The following NAA35 variants were observed in gnomAD, a reference collection of about 807,000 sequenced individuals.
NAA35 encodes MAK10 homolog, amino-acid N-acetyltransferase subunit.
A neutral mutation model predicts 101.7 loss-of-function variants in NAA35; 18 were observed. The ratio of observed to expected loss-of-function variants is 0.18; its 90% confidence interval spans 0.12 to 0.26. The LOEUF is 0.26. Among genes scored for constraint, NAA35 ranks in the 10% least tolerant of loss-of-function variants. The pLI, the probability that NAA35 is intolerant of heterozygous loss-of-function variation, is 1.00. For missense variants in NAA35, 601 were observed against 886.8 expected, an observed-to-expected ratio of 0.68 and a Z score of 4.09; for synonymous variants, 267 against 273.1, an observed-to-expected ratio of 0.98 and a Z score of 0.22.
intron 17 of NAA35, 78 bp from the exon 18 acceptor site, chr9:86,016,461 A>G: frequency 8.3e-7 from 1 of 1,199,188 alleles, no homozygotes. Flanking sequence ...TATTTGAAAT[A>G]TCTATCGTTA....
chr9:86,018,499 T>C (rs1402136051), intron 20 of NAA35, 104 bp downstream of exon 20: 9 of 1,386,232 alleles, frequency 6.5e-6, no homozygotes, highest in Non-Finnish European at 6.8e-6. Flanking sequence ...GTTATTTAAA[T>C]CATAAGAATA....
In NAA35 at chr9:85,959,355, C is replaced by T. The variant is rs1033897810; in HGVS notation, c.274-438C>T. On this transcript the variant is annotated intron_variant, in intron 4 of 22. Transcript: ENST00000361671. ...CACGCCACCTGCACTCCAGCCTGGG[C>T]GACAGAGTGAGACTCTGTCTCAAAA... 7.0e-5 allele frequency among the ~76,000 whole-genome samples: 10 copies of T among 143,636 alleles called. No individual in the cohort carries two copies. In the South Asian group the frequency reaches 1.5e-3, roughly 22 times the overall value. 94.2% of individuals were successfully genotyped at this position (143,636 alleles called of 152,430 possible). A position where few individuals can be genotyped will look rare whatever the true frequency, so the allele number is the denominator to read the frequency against.
chr9:85,952,288 G>GT (rs199959174), intron 2 of NAA35, among the ~76,000 whole-genome samples: 5,586 of 116,698 alleles, frequency 0.048, 421 homozygotes, highest in East Asian at 0.38. Flanking sequence ...AGTGTTTTTT[G>GT]TTTTTTTTTT....
rs1832366433 is a variant in NAA35 at position 86,018,804 on chromosome 9, C to T, written c.2020C>T (p.Pro674Ser). The T allele has an allele frequency of 6.2e-7, 1 of 1,613,970 alleles. No individual in the cohort carries two copies. The highest frequency in any genetic ancestry group is 8.5e-7 in the Non-Finnish European group (1 of 1,179,970). The change falls in exon 21 of 23, where the codon CCT becomes TCT. Residue 674 changes from proline (P) to serine (S), a missense_variant. Pro to Ser is a moderately conservative substitution (Grantham distance 74). Around this residue, in one of 8 missense-constraint regions of NAA35, gnomAD observed 90 missense variants for 108.7 expected, o/e 0.83. Transcript: ENST00000361671. ...GGCAAAAATGATATTGGAAAATATT[C>T]CTAACCCGGACCATGAGGTGAGACT... ...QQAKMILENIPNPDHEVNRIL... is the reference protein window; with the variant it reads ...QQAKMILENISNPDHEVNRIL...
At chr9:86,014,316 G>A (rs1832095069) in intron 17 of NAA35, 5 of 903,552 alleles carry the variant, frequency 5.5e-6, no homozygotes, top group Middle Eastern at 5.7e-4. Flanking sequence ...GTTTCAAACC[G>A]TGGTGCTGAG....
At chr9:85,964,218 G>A (rs1002240067) in intron 6 of NAA35, among the ~76,000 whole-genome samples, 2 of 149,822 alleles carry the variant, frequency 1.3e-5, no homozygotes, top group Admixed American at 1.3e-4. Context: ...CATATGATTC[G>A]TATGCAGATT....
At chr9:85,973,776 G>A (rs567195622) in intron 6 of NAA35, among the ~76,000 whole-genome samples, 2 of 151,486 alleles carry the variant, frequency 1.3e-5, no homozygotes, top group African/African-American at 2.4e-5. Flanking sequence ...ATTTGATCAT[G>A]TAAGTCATAA....
At chr9:85,964,376 TTA>T (rs1202067501) in intron 6 of NAA35, among the ~76,000 whole-genome samples, 2 of 152,188 alleles carry the variant, frequency 1.3e-5, no homozygotes, top group Non-Finnish European at 2.9e-5. Context: ...CTGTGACACT[TTA>T]GTGTGTTTCT....
intron 4 of NAA35, among the ~76,000 whole-genome samples, chr9:85,959,405 T>C (rs935722491): frequency 6.6e-6 from 1 of 151,502 alleles, no homozygotes; most frequent in Non-Finnish European, 1.5e-5. Flanking sequence ...AAAAAAACTT[T>C]AGTTTTCTTT....
rs1380986003 is a variant in NAA35, at chr9:85,966,129, C to A, written c.516+3949C>A. 7.2e-5 allele frequency among the ~76,000 whole-genome samples: 11 copies of A among 152,112 alleles called. 1 individual carries two copies. The South Asian group carries it at 1.9e-3, about 26-fold the overall frequency. Reference sequence around the variant, plus strand: ...TAATTTTTAATTTTTTTTGTAAAGACTGGGTTTTGCTTTGTTTGCCAGGCT... The same window carrying A: ...TAATTTTTAATTTTTTTTGTAAAGAATGGGTTTTGCTTTGTTTGCCAGGCT... On this transcript the variant is annotated intron_variant, in intron 6 of 22. Transcript: ENST00000361671.
chr9:86,018,581 T>G, intron 20 of NAA35, 118 bp from the exon 21 acceptor site: 1 of 1,382,380 alleles, frequency 7.2e-7, no homozygotes. Context: ...GCTGAATGTT[T>G]GCCCCAGTGT....
At chr9:85,991,754 T>G (rs1158351116) in intron 11 of NAA35, among the ~76,000 whole-genome samples, 1 of 152,206 alleles carries the variant, frequency 6.6e-6, no homozygotes. Flanking sequence ...TTTCTACTTC[T>G]CAGAACCTGT....
intron 1 of NAA35, chr9:85,941,757 C>T (rs1179501675): frequency 1.0e-6 from 1 of 989,880 alleles, no homozygotes; most frequent in African/African-American, 1.7e-5. Flanking sequence ...CCTTGATTGA[C>T]TTCGGTAGCT....
chr9:85,980,256 A>C (rs1257123506), intron 11 of NAA35, among the ~76,000 whole-genome samples: 1 of 152,066 alleles, frequency 6.6e-6, no homozygotes, highest in East Asian at 1.9e-4. Flanking sequence ...GTCCTCCTGA[A>C]TTTTTACAGA....
At position 86,009,913 on chromosome 9, in the gene NAA35, T is replaced by C. The variant is rs1218588980; in HGVS notation, c.1272T>C (p.Phe424=). 6.2e-7 allele frequency: 1 copy of C among 1,612,982 alleles called. No individual in the cohort carries two copies. The highest frequency in any genetic ancestry group is 1.3e-5 in the African/African-American group (1 of 74,882). Residue 424 remains phenylalanine (F), a synonymous_variant, in exon 15 of 23, where the codon TTT becomes TTC. Transcript: ENST00000361671. ...AGGCTAAGGACTGTATCGACTCCTTTGTTACTCACTGTGTTCGGGTAAGAG... is the reference window on the plus strand; with the variant it reads ...AGGCTAAGGACTGTATCGACTCCTTCGTTACTCACTGTGTTCGGGTAAGAG... ...NHQAKDCIDS[F]VTHCVRPFCS...
At chr9:85,943,736 A>G (rs1219552723) in intron 2 of NAA35, among the ~76,000 whole-genome samples, 2 of 152,132 alleles carry the variant, frequency 1.3e-5, no homozygotes, top group Non-Finnish European at 2.9e-5. Flanking sequence ...ATTTTAAGTA[A>G]TCTCTATTAG....
chr9:85,991,242 A>G (rs1830897265), intron 11 of NAA35, among the ~76,000 whole-genome samples: 2 of 152,072 alleles, frequency 1.3e-5, no homozygotes, highest in Non-Finnish European at 2.9e-5. Context: ...GAGTCCAGGC[A>G]GGGTAGGCTC....
Position 86,021,906 on chromosome 9 carries a change from T to C in NAA35, c.2124T>C (p.Pro708=), listed in dbSNP as rs1344093511. ...AGGHKKESKV[P]PEFDFSAHKY... ...GTTTCGTTTTTCTTTAACAGGTTCC[T>C]CCTGAATTTGATTTCTCTGCTCATA... The change falls in exon 23 of 23, where the codon CCT becomes CCC. Residue 708 remains proline, a synonymous_variant. Coordinates refer to ENST00000361671, the MANE Select transcript of NAA35 (RefSeq NM_024635.4). 2 of 1,612,840 alleles carry C rather than the reference T, an allele frequency of 1.2e-6. No individual in the cohort carries two copies. Among genetic ancestry groups the C allele is most frequent in the Non-Finnish European group, 1.7e-6 (2 of 1,179,220 alleles).
At chr9:85,942,004 T>C in intron 1 of NAA35, 151 bp from the exon 2 acceptor site, 1 of 1,297,322 alleles carries the variant, frequency 7.7e-7, no homozygotes, top group Non-Finnish European at 1.0e-6. Context: ...ATTAAGGTTA[T>C]TCTTTGCAGT....
Sources: allele counts gnomAD v4.1 joint callset (sites outside exome capture counted in the v4.1 genomes callset), GRCh38; gene constraint gnomAD v4.1.1; regional missense constraint gnomAD v4.1.1; transcripts MANE v1.5; gene names NCBI Gene and HGNC (gene_info 2026-07-23, HGNC 2026-07-21).